Variants in CEP83 observed in about 807,000 individuals in gnomAD.
CEP83 encodes centrosomal protein of 83 kDa.
In CEP83, 70 loss-of-function variants were observed where a neutral mutation model predicts 101.9. The observed-to-expected ratio is 0.69, with a 90% CI of 0.57 to 0.84. The LOEUF is 0.84. Ranked by LOEUF, CEP83 falls within the 40% of genes least tolerant of loss-of-function variation. The probability of loss-of-function intolerance (pLI) is 0.00; values close to 1 mark genes in which losing one functional copy is unlikely to be tolerated. For synonymous variants in CEP83, 264 were observed against 267.9 expected (o/e 0.99, Z 0.14); for missense variants, 715 against 787.2 (o/e 0.91, Z 1.10).
chr12:94,287,788 G>C, the CEP83 span, among the ~76,000 whole-genome samples: 1 of 152,206 alleles, frequency 6.6e-6, no homozygotes, highest in Admixed American at 6.5e-5. Context: ...CTAAAGGTCT[G>C]TTGCAGTGTG....
intron 1 of CEP83, among the ~76,000 whole-genome samples, chr12:94,452,232 T>C (rs2067308006): frequency 6.6e-6 from 1 of 152,100 alleles, no homozygotes. Flanking sequence ...TCTAGGAGAC[T>C]GATAAAATGT....
At chr12:94,301,535 T>C (rs1342520893), downstream of CEP83, among the ~76,000 whole-genome samples, 2 of 152,198 alleles carry the variant, frequency 1.3e-5, no homozygotes, top group Non-Finnish European at 2.9e-5. Flanking sequence ...TCCTATGGTT[T>C]TCTTTGCTGA....
chr12:94,324,329 C>T (rs2058876094), intron 14 of CEP83, among the ~76,000 whole-genome samples: 1 of 152,112 alleles, frequency 6.6e-6, no homozygotes, highest in African/African-American at 2.4e-5. Context: ...ATCCAAATGA[C>T]CTAATTCTTC....
At chr12:94,382,836 T>C (rs946166001) in intron 6 of CEP83, among the ~76,000 whole-genome samples, 14 of 152,082 alleles carry the variant, frequency 9.2e-5, no homozygotes, top group African/African-American at 2.9e-4. Flanking sequence ...AGAACATGTC[T>C]GGGTGTTCTC....
intron 1 of CEP83, among the ~76,000 whole-genome samples, chr12:94,443,394 G>A (rs1019087379): frequency 1.3e-5 from 2 of 151,966 alleles, no homozygotes; most frequent in Non-Finnish European, 2.9e-5. Context: ...TATTTTCGGA[G>A]TTTTAGTTGC....
At chr12:94,424,990 C>T (rs530179285) in intron 2 of CEP83, 17 of 1,242,224 alleles carry the variant, frequency 1.4e-5, no homozygotes, top group South Asian at 7.1e-5. Context: ...TGTTAGGGAA[C>T]GAGTGAGAGA....
intron 2 of CEP83, among the ~76,000 whole-genome samples, chr12:94,425,630 C>T (rs2065136805): frequency 6.6e-6 from 1 of 152,104 alleles, no homozygotes; most frequent in South Asian, 2.1e-4. Context: ...TTAATTGTAG[C>T]CCTTCTAGGA....
intron 13 of CEP83, 88 bp downstream of exon 13, chr12:94,333,394 T>C: frequency 8.5e-7 from 1 of 1,177,850 alleles, no homozygotes; most frequent in Non-Finnish European, 1.2e-6. Flanking sequence ...GTTTCTAAAA[T>C]ATAATCAACA....
At chr12:94,433,500 G>A (rs1594030624) in intron 2 of CEP83, among the ~76,000 whole-genome samples, 1 of 152,074 alleles carries the variant, frequency 6.6e-6, no homozygotes, top group East Asian at 1.9e-4. Flanking sequence ...GGGCAACATG[G>A]TGAAAGCCTG....
chr12:94,379,346 T>C (rs2061711134), intron 6 of CEP83, among the ~76,000 whole-genome samples: 1 of 152,156 alleles, frequency 6.6e-6, no homozygotes, highest in Non-Finnish European at 1.5e-5. Flanking sequence ...ATCAAGTATT[T>C]TAAAATTCAT....
intron 11 of CEP83, among the ~76,000 whole-genome samples, chr12:94,348,359 T>A (rs955414896): frequency 6.6e-6 from 1 of 152,174 alleles, no homozygotes; most frequent in Non-Finnish European, 1.5e-5. Flanking sequence ...GAACTCAATG[T>A]CAACCATTTT....
intron 13 of CEP83, 63 bp downstream of exon 13, chr12:94,333,418 TA>T: frequency 7.2e-7 from 1 of 1,397,942 alleles, no homozygotes; most frequent in Non-Finnish European, 9.8e-7. Context: ...GAATCATTAC[TA>T]AAATAAGTAC....
At chr12:94,288,044 A>G in the CEP83 span, among the ~76,000 whole-genome samples, 1 of 152,366 alleles carries the variant, frequency 6.6e-6, no homozygotes, top group Admixed American at 6.5e-5. Context: ...GGCTCTGCGC[A>G]GGGCCTGAGG....
At chr12:94,353,030 C>T (rs1418489929) in intron 11 of CEP83, among the ~76,000 whole-genome samples, 3 of 152,114 alleles carry the variant, frequency 2.0e-5, no homozygotes, top group Admixed American at 6.6e-5. Flanking sequence ...CAAAAAGGTC[C>T]TCTCCAAGGC....
intron 6 of CEP83, among the ~76,000 whole-genome samples, chr12:94,400,054 G>A (rs1471387232): frequency 1.3e-5 from 2 of 152,088 alleles, no homozygotes; most frequent in Non-Finnish European, 2.9e-5. Flanking sequence ...GTAAAGGAAG[G>A]TAAGTATATT....
the CEP83 span, among the ~76,000 whole-genome samples, chr12:94,294,036 C>A: frequency 6.6e-6 from 1 of 151,864 alleles, no homozygotes; most frequent in Non-Finnish European, 1.5e-5. Flanking sequence ...AGGATTTAAA[C>A]ATAGGAATCT....
the CEP83 span, chr12:94,297,442 G>A: frequency 1.3e-6 from 2 of 1,558,406 alleles, no homozygotes; most frequent in Admixed American, 1.7e-5. Flanking sequence ...ACTGTTCTGG[G>A]AGCACTTTAT....
intron 2 of CEP83, chr12:94,424,060 G>T (rs921761414): frequency 1.2e-6 from 2 of 1,611,620 alleles, no homozygotes; most frequent in Non-Finnish European, 1.7e-6. Flanking sequence ...TCCAGGATGG[G>T]TTAGGTACTT....
In CEP83 at chr12:94,324,533, T is replaced by A. The variant is rs935054357; in HGVS notation, c.1707+7167A>T. Among the ~76,000 whole-genome samples the A allele has an allele frequency of 5.3e-5, 8 of 152,292 alleles. 1 individual carries two copies. Among genetic ancestry groups the A allele is most frequent in the African/African-American group, 1.9e-4 (8 of 41,558 alleles). On this transcript the variant is annotated intron_variant, in intron 14 of 16. Coordinates refer to ENST00000397809, the MANE Select transcript of CEP83 (RefSeq NM_016122.3). ...GTGGCTCTAATCTCATCTCATCTAC[T>A]TTGTGGGGAGTCTGAGGACAATCAG...
Sources: gnomAD v4.1 joint callset for allele counts (sites outside exome capture counted in the v4.1 genomes callset) on GRCh38, gnomAD v4.1.1 for gene constraint, MANE v1.5 for transcripts, NCBI Gene and HGNC (gene_info 2026-07-23, HGNC 2026-07-21) for gene names.